HERC4: variants seen among roughly 807,000 people sequenced by gnomAD.
HERC4 encodes the protein HECT and RLD domain containing E3 ubiquitin protein ligase 4.
HERC4 carries 28 observed loss-of-function variants against 124.3 expected under a neutral mutation model. The observed-to-expected ratio is 0.23, with a 90% CI of 0.17 to 0.31. HERC4 has a LOEUF of 0.31. HERC4 is among the 10% of genes least tolerant of loss of function. The probability of loss-of-function intolerance (pLI) is 1.00; values close to 1 mark genes in which losing one functional copy is unlikely to be tolerated. For synonymous variants in HERC4, 407 were observed against 421.5 expected, an observed-to-expected ratio of 0.97 and a Z score of 0.42; for missense variants, 713 against 1,229.3, an observed-to-expected ratio of 0.58 and a Z score of 6.28.
chr10:68,059,556 T>TATATCATAATATTAA lies in HERC4; in HGVS notation c.226+13326_226+13327insTTAATATTATGATAT, dbSNP rs1432383085. 8.4e-5 allele frequency among the ~76,000 whole-genome samples: 8 copies of TATATCATAATATTAA among 95,504 alleles called. 2 individuals are homozygous for TATATCATAATATTAA. Among genetic ancestry groups the TATATCATAATATTAA allele is most frequent in the African/African-American group, 4.0e-4 (8 of 19,862 alleles). 62.7% of individuals were successfully genotyped at this position (95,504 alleles called of 152,430 possible). On this transcript the variant is annotated intron_variant, in intron 3 of 24. Coordinates refer to ENST00000373700, the MANE Select transcript of HERC4 (RefSeq NM_015601.4). ...ATATATCATATTATATATCATAATA[T>TATATCATAATATTAA]ATATCATAATATTATATATCATATT...
intron 7 of HERC4, among the ~76,000 whole-genome samples, chr10:68,029,428 G>A (rs539638868): frequency 6.6e-6 from 1 of 151,988 alleles, no homozygotes; most frequent in Admixed American, 6.6e-5. Context: ...AGAGGTGGAC[G>A]TTACAGTGGG....
chr10:67,953,990 A>C (rs1359277484), intron 19 of HERC4, among the ~76,000 whole-genome samples: 1 of 152,216 alleles, frequency 6.6e-6, no homozygotes, highest in African/African-American at 2.4e-5. Context: ...ATTTCTTTCA[A>C]GTCAGGAGTT....
chr10:68,041,924 T>A (rs2039787522), intron 4 of HERC4, among the ~76,000 whole-genome samples: 1 of 152,224 alleles, frequency 6.6e-6, no homozygotes, highest in Non-Finnish European at 1.5e-5. Context: ...TAATTTCACA[T>A]TCTTCTTTAA....
At chr10:68,016,094 C>T (rs1589330043) in intron 8 of HERC4, among the ~76,000 whole-genome samples, 1 of 152,180 alleles carries the variant, frequency 6.6e-6, no homozygotes, top group Admixed American at 6.5e-5. Context: ...CAGAGCAAGA[C>T]TCAGTCTCAA....
rs538179803 is a variant in HERC4 at position 67,922,989 on chromosome 10, G to A, written c.3092C>T (p.Thr1031Ile). The A allele has an allele frequency of 3.7e-6, 6 of 1,613,814 alleles. No individual in the cohort carries two copies. The South Asian group carries it at 4.4e-5, about 12-fold the overall frequency. Residue 1031 changes from threonine to isoleucine, a missense_variant, in exon 25 of 25, where the codon ACT (threonine) becomes ATT (isoleucine). Thr to Ile is a moderately conservative substitution (Grantham distance 89). Coordinates refer to ENST00000373700, the MANE Select transcript of HERC4 (RefSeq NM_015601.4). The stretch of plus-strand genomic sequence containing the variant: ...AGCTTGGATCAGTTTAGAGCGTAGA[G>A]TTTCTTTTTCTGTATATTTTGGAAG... ...LDLPKYTEKE[T>I]LRSKLIQAID...
At chr10:67,953,566 T>C (rs950691714) in intron 19 of HERC4, among the ~76,000 whole-genome samples, 1 of 152,144 alleles carries the variant, frequency 6.6e-6, no homozygotes, top group Non-Finnish European at 1.5e-5. Flanking sequence ...TGAACAAAGA[T>C]GGGACAATAT....
At chr10:68,033,826 G>A in intron 6 of HERC4, 139 bp downstream of exon 6, 3 of 656,332 alleles carry the variant, frequency 4.6e-6, no homozygotes, top group Non-Finnish European at 7.7e-6. Context: ...TTCCCCAAAT[G>A]GAATTTTTAA....
intron 9 of HERC4, among the ~76,000 whole-genome samples, chr10:68,004,026 TC>T (rs201171016): frequency 0.092 from 13,966 of 152,238 alleles, 1,050 homozygotes; most frequent in East Asian, 0.4. Context: ...TTGCCCTCTT[TC>T]AGATAAAAGC....
chr10:68,074,089 T>C (rs909103536), intron 1 of HERC4: 1 of 152,164 alleles, frequency 6.6e-6, no homozygotes, highest in African/African-American at 2.4e-5. Flanking sequence ...TTTTCAAGAA[T>C]AGGAATGGAT....
intron 3 of HERC4, chr10:68,069,377 T>G (rs2041458244): frequency 1.0e-6 from 1 of 985,120 alleles, no homozygotes; most frequent in Non-Finnish European, 1.2e-6. Flanking sequence ...TCTCTGGAAA[T>G]AATTCAGAAA....
intron 15 of HERC4, among the ~76,000 whole-genome samples, chr10:67,970,462 C>CTTGGG (rs2035163732): frequency 6.6e-6 from 1 of 152,082 alleles, no homozygotes; most frequent in Non-Finnish European, 1.5e-5. Flanking sequence ...CGTGGTGGCA[C>CTTGGG]ATGCCTGTAA....
intron 16 of HERC4, among the ~76,000 whole-genome samples, chr10:67,958,561 A>G (rs982049176): frequency 2.6e-5 from 4 of 152,228 alleles, no homozygotes; most frequent in African/African-American, 2.4e-5. Flanking sequence ...ACGGATAAAG[A>G]AAGTATTATA....
intron 3 of HERC4, among the ~76,000 whole-genome samples, chr10:68,064,480 G>C (rs1422346406): frequency 1.3e-5 from 2 of 150,334 alleles, no homozygotes; most frequent in African/African-American, 4.9e-5. Flanking sequence ...TCTGAACCTG[G>C]GAGGCGGAGG....
intron 23 of HERC4, 112 bp from the exon 24 acceptor site, chr10:67,925,299 C>A: frequency 1.8e-6 from 1 of 543,660 alleles, no homozygotes; most frequent in East Asian, 3.1e-5. Context: ...AATGGATTGC[C>A]CACTGTTTTC....
At chr10:68,029,485 C>G (rs181819605) in intron 7 of HERC4, among the ~76,000 whole-genome samples, 106 of 151,416 alleles carry the variant, frequency 7.0e-4, no homozygotes, top group Non-Finnish European at 1.4e-3. Flanking sequence ...GAACAAGACT[C>G]CATCTCAAAA....
chr10:67,988,332 T>C (rs2132727761), intron 15 of HERC4, among the ~76,000 whole-genome samples: 1 of 152,172 alleles, frequency 6.6e-6, no homozygotes, highest in South Asian at 2.1e-4. Context: ...AGATAACCAC[T>C]TACAGCTAAC....
chr10:67,980,736 A>G lies in HERC4; in HGVS notation c.1806+7927T>C, dbSNP rs184685676. Among the ~76,000 whole-genome samples, 877 of 152,174 alleles carry G rather than the reference A, an allele frequency of 5.8e-3. 5 individuals carry two copies. Among genetic ancestry groups the G allele is most frequent in the South Asian group, 0.027 (129 of 4,830 alleles). ...TATAAGATATAAATAGAAACAACAAAAAGTTAAAAAGCAGGAGTACAAAGT... is the reference window on the plus strand; with the variant it reads ...TATAAGATATAAATAGAAACAACAAGAAGTTAAAAAGCAGGAGTACAAAGT... On this transcript the variant is annotated intron_variant, in intron 15 of 24. Coordinates refer to ENST00000373700, the MANE Select transcript of HERC4 (RefSeq NM_015601.4).
intron 9 of HERC4, among the ~76,000 whole-genome samples, chr10:68,008,811 G>A (rs1156386588): frequency 1.3e-5 from 2 of 152,134 alleles, no homozygotes; most frequent in Admixed American, 1.3e-4. Flanking sequence ...TAAACAAAAT[G>A]TGGTATAAGC....
chr10:68,025,444 A>G, intron 8 of HERC4, 102 bp downstream of exon 8: 1 of 1,316,206 alleles, frequency 7.6e-7, no homozygotes, highest in Non-Finnish European at 1.0e-6. Flanking sequence ...TGGGGGCAGA[A>G]TGTGTTTCCT....
Sources: allele counts gnomAD v4.1 joint callset (sites outside exome capture counted in the v4.1 genomes callset), GRCh38; gene constraint gnomAD v4.1.1; transcripts MANE v1.5; gene names NCBI Gene and HGNC (gene_info 2026-07-23, HGNC 2026-07-21).